Variants in TMEM170A observed in about 807,000 individuals in gnomAD.
TMEM170A encodes the protein transmembrane protein 170A, also known as transmembrane protein 170.
A neutral mutation model predicts 12.8 loss-of-function variants in TMEM170A; 18 were observed. The observed-to-expected ratio is 1.41, with a 90% CI of 0.97 to 2.09. The LOEUF (loss-of-function observed/expected upper bound fraction) is 2.09. Among genes scored for constraint, TMEM170A ranks in the 30% most tolerant of loss-of-function variants. TMEM170A has a pLI of 0.00. For missense variants in TMEM170A, 220 were observed against 179.9 expected (o/e 1.22, Z -1.28); for synonymous variants, 107 against 76.2 (o/e 1.40, Z -2.11).
intron 1 of TMEM170A, among the ~76,000 whole-genome samples, chr16:75,454,142 A>AT (rs1178994136): frequency 2.7e-5 from 4 of 148,288 alleles, no homozygotes; most frequent in African/African-American, 9.7e-5. Context: ...TTTGGACCAG[A>AT]TAACTTTTCA....
rs560680324 is a variant in TMEM170A, at chr16:75,456,398, G to A, written c.134-4559C>T. Reference sequence around the variant, plus strand: ...AGGTTAGGAGTTCCAGAACAGCCAGGCCAACACGGCGAAACCGTCTCGACC... The same window carrying A: ...AGGTTAGGAGTTCCAGAACAGCCAGACCAACACGGCGAAACCGTCTCGACC... On this transcript the variant is annotated intron_variant, in intron 1 of 2. Coordinates refer to ENST00000561878, the MANE Select transcript of TMEM170A (RefSeq NM_145254.3). 1.2e-4 allele frequency among the ~76,000 whole-genome samples: 18 copies of A among 152,170 alleles called. 1 individual carries two copies. In the East Asian group the frequency reaches 3.5e-3, roughly 29 times the overall value.
At chr16:75,454,267 G>C (rs1447284561) in intron 1 of TMEM170A, among the ~76,000 whole-genome samples, 1 of 151,640 alleles carries the variant, frequency 6.6e-6, no homozygotes, top group African/African-American at 2.4e-5. Flanking sequence ...ATGTCCCCAA[G>C]GGGGCAAAAC....
In TMEM170A at chr16:75,447,376, A is replaced by C; in HGVS notation, c.*182T>G. 1 of 546,274 alleles carries C rather than the reference A, an allele frequency of 1.8e-6. No homozygotes were observed. The highest frequency in any genetic ancestry group is 2.9e-6 in the Non-Finnish European group (1 of 348,808). 33.8% of individuals were successfully genotyped at this position (546,274 alleles called of 1,614,324 possible). A position where few individuals can be genotyped will look rare whatever the true frequency, so the allele number is the denominator to read the frequency against. ...TTTTGGTTGAGAACAATAGGAGTCC[A>C]CATAAGTCTTCAATTCTAGGAGCTT... On this transcript the variant is annotated 3_prime_UTR_variant, in exon 3 of 3. Coordinates refer to ENST00000561878, the MANE Select transcript of TMEM170A (RefSeq NM_145254.3).
chr16:75,447,563 G>A lies in TMEM170A; in HGVS notation c.430C>T (p.Leu144=). Residue 144 remains leucine, a synonymous_variant, in exon 3 of 3, where the codon CTA becomes TTA. Coordinates refer to ENST00000561878, the MANE Select transcript of TMEM170A (RefSeq NM_145254.3). ...TCTCAGCATAAGGATGTATGCTATA[G>A]AGTAGCTAAAATCCGTAAAAAGGAG... ...VVSFLRILAT[L] 1 of 1,612,716 alleles carries A rather than the reference G, an allele frequency of 6.2e-7. No homozygotes were observed. Among genetic ancestry groups the A allele is most frequent in the Non-Finnish European group, 8.5e-7 (1 of 1,179,636 alleles).
intron 2 of TMEM170A, among the ~76,000 whole-genome samples, chr16:75,449,809 G>C (rs1235986608): frequency 6.6e-6 from 1 of 152,118 alleles, no homozygotes; most frequent in Non-Finnish European, 1.5e-5. Context: ...AGGTACACAA[G>C]AAAGACTGGG....
At chr16:75,448,192 G>C (rs1045877596) in intron 2 of TMEM170A, among the ~76,000 whole-genome samples, 1 of 152,150 alleles carries the variant, frequency 6.6e-6, no homozygotes, top group Non-Finnish European at 1.5e-5. Context: ...AGAAATGGAC[G>C]GAGGAGGGAC....
At chr16:75,453,975 C>G (rs533219909) in intron 1 of TMEM170A, among the ~76,000 whole-genome samples, 1 of 152,246 alleles carries the variant, frequency 6.6e-6, no homozygotes, top group African/African-American at 2.4e-5. Flanking sequence ...CAAGGTAGCT[C>G]TCCAGCTACC....
Position 75,444,149 on chromosome 16 carries a change from C to G in TMEM170A, c.*3409G>C, listed in dbSNP as rs1365724951. On this transcript the variant is annotated 3_prime_UTR_variant, in exon 3 of 3. Transcript: ENST00000561878. ...TATGGTCAGGAGGCTGCCTCCCTCC[C>G]TCTCTTGCATTTCTTTTTTTTTAAA... is the stretch of plus-strand genomic sequence containing the variant. 6.6e-6 allele frequency: 1 copy of G among 151,750 alleles called. No homozygotes were observed. The highest frequency in any genetic ancestry group is 1.5e-5 in the Non-Finnish European group (1 of 67,982). 9.4% of individuals were successfully genotyped at this position (151,750 alleles called of 1,614,324 possible).
At chr16:75,462,018 A>G (rs1289527483) in intron 1 of TMEM170A, among the ~76,000 whole-genome samples, 1 of 152,240 alleles carries the variant, frequency 6.6e-6, no homozygotes, top group African/African-American at 2.4e-5. Context: ...GTTCCAACTT[A>G]TGACCCTACA....
intron 1 of TMEM170A, chr16:75,452,696 T>G (rs1024332124): frequency 1.3e-5 from 2 of 152,124 alleles, no homozygotes; most frequent in Admixed American, 6.5e-5. Flanking sequence ...CAACTTGGCC[T>G]CCTAAAGGGC....
rs1326773234 is a variant in TMEM170A at position 75,443,732 on chromosome 16, A to C, written c.*3826T>G. On this transcript the variant is annotated 3_prime_UTR_variant, in exon 3 of 3. Coordinates refer to ENST00000561878, the MANE Select transcript of TMEM170A (RefSeq NM_145254.3). ...CACAGATACCTCTTTTAGAATATTC[A>C]TGATGCTCTTGTGTATGAACTTAAG... 2 of 152,352 alleles carry C rather than the reference A, an allele frequency of 1.3e-5. No homozygotes were observed. Among genetic ancestry groups the C allele is most frequent in the African/African-American group, 4.8e-5 (2 of 41,570 alleles). The allele number at this position is 152,352 out of a possible 1,614,324, so 9.4% of individuals were successfully genotyped here.
At chr16:75,463,039 G>A (rs2079934676) in intron 1 of TMEM170A, among the ~76,000 whole-genome samples, 1 of 152,122 alleles carries the variant, frequency 6.6e-6, no homozygotes, top group African/African-American at 2.4e-5. Context: ...AATACATGTG[G>A]TTATATATAT....
intron 1 of TMEM170A, among the ~76,000 whole-genome samples, chr16:75,459,510 C>T (rs1459282002): frequency 6.6e-6 from 1 of 152,198 alleles, no homozygotes; most frequent in Non-Finnish European, 1.5e-5. Flanking sequence ...GCCAGTTCCT[C>T]TGAAGCTGGG....
chr16:75,463,418 AC>A (rs1301062742), intron 1 of TMEM170A, among the ~76,000 whole-genome samples: 2 of 152,140 alleles, frequency 1.3e-5, no homozygotes, highest in Non-Finnish European at 2.9e-5. Context: ...TGATGACCTT[AC>A]CCGCTACTTC....
At chr16:75,455,319 T>C (rs1326979274) in intron 1 of TMEM170A, among the ~76,000 whole-genome samples, 2 of 136,392 alleles carry the variant, frequency 1.5e-5, no homozygotes, top group Non-Finnish European at 3.0e-5. Flanking sequence ...ATCACGCCAC[T>C]GCACTCCAGC....
intron 1 of TMEM170A, among the ~76,000 whole-genome samples, chr16:75,461,579 T>C (rs1329842511): frequency 1.3e-5 from 2 of 152,222 alleles, no homozygotes; most frequent in Non-Finnish European, 2.9e-5. Flanking sequence ...ATGCAACTCC[T>C]GTTAAGCAGA....
chr16:75,460,432 C>G (rs2079883234), intron 1 of TMEM170A, among the ~76,000 whole-genome samples: 1 of 152,158 alleles, frequency 6.6e-6, no homozygotes, highest in Non-Finnish European at 1.5e-5. Flanking sequence ...TCCCTCCAGG[C>G]ACCCTGGGCT....
chr16:75,445,359 G>A lies in TMEM170A; in HGVS notation c.*2199C>T, dbSNP rs2079565407. 6.6e-6 allele frequency: 1 copy of A among 152,226 alleles called. No homozygotes were observed. The highest frequency in any genetic ancestry group is 2.4e-5 in the African/African-American group (1 of 41,456). The allele number at this position is 152,226 out of a possible 1,614,324, so 9.4% of individuals were successfully genotyped here. A position where few individuals can be genotyped will look rare whatever the true frequency, so the allele number is the denominator to read the frequency against. ...GGGTCTTGCCCTGTGGCCTAAGCTGGAGTTCAGTGGCGTGGTCTCGGCTCA... is the reference window on the plus strand; with the variant it reads ...GGGTCTTGCCCTGTGGCCTAAGCTGAAGTTCAGTGGCGTGGTCTCGGCTCA... On this transcript the variant is annotated 3_prime_UTR_variant, in exon 3 of 3. Transcript: ENST00000561878.
In TMEM170A at chr16:75,443,352, G is replaced by A. The variant is rs551515090; in HGVS notation, c.*4206C>T. On this transcript the variant is annotated 3_prime_UTR_variant, in exon 3 of 3. Transcript: ENST00000561878. ...GTACAAAGATTTGATCATTTTGACT[G>A]TAGCAGTTAGTGAAATAACATAATA... The A allele has an allele frequency of 4.9e-4, 74 of 152,312 alleles. No homozygotes were observed. The highest frequency in any genetic ancestry group is 3.4e-3 in the Middle Eastern group (1 of 294). 9.4% of individuals were successfully genotyped at this position (152,312 alleles called of 1,614,324 possible).
Sources: allele counts gnomAD v4.1 joint callset (sites outside exome capture counted in the v4.1 genomes callset), GRCh38; gene constraint gnomAD v4.1.1; transcripts MANE v1.5; gene names NCBI Gene and HGNC (gene_info 2026-07-23, HGNC 2026-07-21).